The following DPP10 variants were observed in gnomAD, a reference collection of about 807,000 sequenced individuals.
DPP10 encodes inactive dipeptidyl peptidase 10.
A neutral mutation model predicts 120.9 loss-of-function variants in DPP10; 33 were observed. The observed-to-expected ratio is 0.27, with a 90% CI of 0.21 to 0.37. DPP10 has a LOEUF of 0.37. DPP10 is among the 10% of genes least tolerant of loss of function. The pLI is 1.00. For synonymous variants in DPP10, 337 were observed against 326.1 expected, an observed-to-expected ratio of 1.03 and a Z score of -0.36; for missense variants, 816 against 942.8, an observed-to-expected ratio of 0.87 and a Z score of 1.76.
intron 1 of DPP10, among the ~76,000 whole-genome samples, chr2:114,841,923 G>A (rs750665595): frequency 1.3e-5 from 2 of 152,102 alleles, no homozygotes; most frequent in African/African-American, 4.8e-5. Flanking sequence ...TTCCAAGTCT[G>A]ACTCAATGGT....
At chr2:114,620,975 A>T (rs1333153774) in intron 1 of DPP10, among the ~76,000 whole-genome samples, 1 of 152,044 alleles carries the variant, frequency 6.6e-6, no homozygotes, top group Non-Finnish European at 1.5e-5. Context: ...ACTAAATCTT[A>T]TTTTTCAATT....
chr2:115,160,351 G>A (rs905660595), intron 1 of DPP10, among the ~76,000 whole-genome samples: 4 of 152,184 alleles, frequency 2.6e-5, no homozygotes, highest in Admixed American at 2.6e-4. Context: ...TTTATAGGAA[G>A]TATCGTTACA....
At chr2:115,439,849 A>G (rs1294994575) in intron 3 of DPP10, among the ~76,000 whole-genome samples, 1 of 145,208 alleles carries the variant, frequency 6.9e-6, no homozygotes, top group Non-Finnish European at 1.5e-5. Flanking sequence ...TCAAACATTC[A>G]AAAAGCAGAA....
At chr2:115,787,952 T>C (rs1683525597) in intron 17 of DPP10, among the ~76,000 whole-genome samples, 3 of 151,982 alleles carry the variant, frequency 2.0e-5, no homozygotes, top group Admixed American at 2.0e-4. Context: ...AAAACCAAAC[T>C]GAACTAAACA....
chr2:114,954,731 TAGAG>T (rs1468830748), intron 1 of DPP10, among the ~76,000 whole-genome samples: 3 of 151,660 alleles, frequency 2.0e-5, no homozygotes, highest in Admixed American at 6.6e-5. Flanking sequence ...GAAAAAAATA[TAGAG>T]AGAGAAAGGA....
At chr2:114,914,824 C>G (rs929666114) in intron 1 of DPP10, among the ~76,000 whole-genome samples, 1 of 152,178 alleles carries the variant, frequency 6.6e-6, no homozygotes, top group African/African-American at 2.4e-5. Flanking sequence ...TGCAATGACA[C>G]CCATAGGCTC....
At chr2:114,998,038 G>A (rs1159345482) in intron 1 of DPP10, among the ~76,000 whole-genome samples, 2 of 152,126 alleles carry the variant, frequency 1.3e-5, no homozygotes, top group African/African-American at 2.4e-5. Flanking sequence ...TGGACAGTCT[G>A]TAGTTGATTG....
intron 5 of DPP10, among the ~76,000 whole-genome samples, chr2:115,634,551 G>A (rs1364449596): frequency 6.6e-6 from 1 of 152,142 alleles, no homozygotes; most frequent in Non-Finnish European, 1.5e-5. Context: ...GTCACCAGTG[G>A]AGGCTATAGA....
chr2:115,713,839 C>T (rs1353096201), intron 7 of DPP10, among the ~76,000 whole-genome samples: 2 of 152,116 alleles, frequency 1.3e-5, no homozygotes, highest in East Asian at 3.9e-4. Flanking sequence ...AAAGTTAGTT[C>T]ATGTCAAACC....
intron 9 of DPP10, 116 bp downstream of exon 9, chr2:115,740,009 T>C: frequency 8.7e-7 from 1 of 1,154,208 alleles, no homozygotes; most frequent in South Asian, 1.4e-5. Context: ...AAGTTTTCCT[T>C]ACTTGTCAGA....
At chr2:114,675,072 G>T (rs561503689) in intron 1 of DPP10, among the ~76,000 whole-genome samples, 71 of 152,152 alleles carry the variant, frequency 4.7e-4, no homozygotes, top group African/African-American at 1.7e-3. Flanking sequence ...TTTCCCAACG[G>T]CCTGTCTTAA....
intron 1 of DPP10, among the ~76,000 whole-genome samples, chr2:114,487,608 T>C (rs541090996): frequency 6.6e-6 from 1 of 152,312 alleles, no homozygotes; most frequent in South Asian, 2.1e-4. Flanking sequence ...TTTTAAATTT[T>C]AAAGGCCTAC....
chr2:115,091,669 G>A lies in DPP10; in HGVS notation c.61-217570G>A, dbSNP rs147472985. On this transcript the variant is annotated intron_variant, in intron 1 of 25. Transcript: ENST00000410059. ...CTTTGAAATTTGTTTGAAGAATGAT[G>A]TACTGAAGAGGAAAGATGAACAACA... is the stretch of plus-strand genomic sequence containing the variant. 3.6e-3 allele frequency among the ~76,000 whole-genome samples: 547 copies of A among 152,164 alleles called. 5 individuals carry two copies. Among genetic ancestry groups the A allele is most frequent in the African/African-American group, 0.013 (524 of 41,500 alleles).
chr2:115,629,750 C>T (rs1184993800), intron 5 of DPP10, among the ~76,000 whole-genome samples: 1 of 152,112 alleles, frequency 6.6e-6, no homozygotes, highest in African/African-American at 2.4e-5. Context: ...CTGCTCTGTT[C>T]CATTGGTCTA....
chr2:115,581,903 C>A (rs2149129843), intron 5 of DPP10, among the ~76,000 whole-genome samples: 1 of 152,266 alleles, frequency 6.6e-6, no homozygotes, highest in South Asian at 2.1e-4. Flanking sequence ...CCAGTGGCAA[C>A]TCCATATGGG....
chr2:114,552,598 T>C (rs1046260357), intron 1 of DPP10, among the ~76,000 whole-genome samples: 1 of 152,172 alleles, frequency 6.6e-6, no homozygotes, highest in Admixed American at 6.5e-5. Flanking sequence ...CAGGTTGCAG[T>C]GCAGTGGCCC....
At chr2:115,507,795 G>A (rs2077023541) in intron 4 of DPP10, among the ~76,000 whole-genome samples, 1 of 152,088 alleles carries the variant, frequency 6.6e-6, no homozygotes, top group Non-Finnish European at 1.5e-5. Flanking sequence ...ATTTTCTAGG[G>A]ATATTAAAGT....
intron 3 of DPP10, among the ~76,000 whole-genome samples, chr2:115,394,868 CCTCA>C (rs1223434644): frequency 2.6e-5 from 4 of 151,958 alleles, no homozygotes; most frequent in African/African-American, 4.8e-5. Context: ...TGTTAGAATT[CCTCA>C]CTAAGAATAA....
intron 5 of DPP10, among the ~76,000 whole-genome samples, chr2:115,556,763 C>T (rs1385871918): frequency 6.6e-6 from 1 of 152,078 alleles, no homozygotes; most frequent in African/African-American, 2.4e-5. Flanking sequence ...ATATTTTCTC[C>T]TCCAAGGTAA....
Sources: allele counts gnomAD v4.1 joint callset (sites outside exome capture counted in the v4.1 genomes callset), GRCh38; gene constraint gnomAD v4.1.1; transcripts MANE v1.5; gene names NCBI Gene and HGNC (gene_info 2026-07-23, HGNC 2026-07-21).